TRIM2: variants seen among roughly 807,000 people sequenced by gnomAD.
TRIM2 encodes tripartite motif containing 2, also known as tripartite motif-containing protein 2.
TRIM2 carries 20 observed loss-of-function variants against 75.2 expected under a neutral mutation model. That is an observed-to-expected ratio of 0.27 (90% CI 0.19 to 0.39). The LOEUF is 0.39. Among genes scored for constraint, TRIM2 ranks in the 10% least tolerant of loss-of-function variants. The pLI, the probability that TRIM2 is intolerant of heterozygous loss-of-function variation, is 1.00. For missense variants in TRIM2, 660 were observed against 990.8 expected, an observed-to-expected ratio of 0.67 and a Z score of 4.48; for synonymous variants, 373 against 388.3, an observed-to-expected ratio of 0.96 and a Z score of 0.46.
chr4:153,273,442 ATTTTTTTTT>A (rs11459214), intron 2 of TRIM2, among the ~76,000 whole-genome samples: 5 of 77,648 alleles, frequency 6.4e-5, no homozygotes, highest in South Asian at 3.8e-4. Context: ...CGCCCGGCTA[ATTTTTTTTT>A]TTTTTTTTTT....
At chr4:153,330,252 A>T (rs1474356043) in intron 11 of TRIM2, among the ~76,000 whole-genome samples, 1 of 152,242 alleles carries the variant, frequency 6.6e-6, no homozygotes, top group Non-Finnish European at 1.5e-5. Flanking sequence ...ATTTAGTAAC[A>T]ATTGTATACA....
chr4:153,251,260 G>C (rs1251906908), intron 1 of TRIM2, among the ~76,000 whole-genome samples: 1 of 152,208 alleles, frequency 6.6e-6, no homozygotes, highest in Admixed American at 6.5e-5. Flanking sequence ...CCAGTAGAGA[G>C]GAAGGGGCTC....
chr4:153,296,418 A>G (rs1402951944), intron 6 of TRIM2, among the ~76,000 whole-genome samples: 3 of 152,096 alleles, frequency 2.0e-5, no homozygotes, highest in Admixed American at 1.3e-4. Flanking sequence ...AACCCCCACC[A>G]CCAACGCCCC....
At chr4:153,214,129 G>A (rs1220295528) in intron 1 of TRIM2, among the ~76,000 whole-genome samples, 1 of 152,196 alleles carries the variant, frequency 6.6e-6, no homozygotes, top group East Asian at 1.9e-4. Context: ...AATTACTAGA[G>A]CATAAGATAT....
At chr4:153,319,312 C>T (rs1768391941) in intron 8 of TRIM2, among the ~76,000 whole-genome samples, 1 of 152,172 alleles carries the variant, frequency 6.6e-6, no homozygotes, top group African/African-American at 2.4e-5. Context: ...CTTTTCTATC[C>T]AAACAAATGG....
chr4:153,303,548 A>G (rs1764381259), intron 6 of TRIM2, among the ~76,000 whole-genome samples: 1 of 152,172 alleles, frequency 6.6e-6, no homozygotes, highest in Non-Finnish European at 1.5e-5. Context: ...TGATAACAGA[A>G]CATTTATGAA....
chr4:153,313,590 C>T (rs1010951160), intron 6 of TRIM2, among the ~76,000 whole-genome samples: 1 of 151,276 alleles, frequency 6.6e-6, no homozygotes, highest in African/African-American at 2.4e-5. Flanking sequence ...TTTCCTAAGG[C>T]ACTGCATTGA....
intron 3 of TRIM2, among the ~76,000 whole-genome samples, chr4:153,289,856 G>A (rs1761474025): frequency 1.3e-5 from 2 of 152,108 alleles, no homozygotes; most frequent in South Asian, 2.1e-4. Context: ...TGTTAATGTG[G>A]CATATTCCCT....
rs1480662668 is a variant in TRIM2, at chr4:153,337,375, G to A, written c.*2409G>A. 1.0e-6 allele frequency: 1 copy of A among 985,646 alleles called. No homozygotes were observed. Among genetic ancestry groups the A allele is most frequent in the East Asian group, 1.1e-4 (1 of 8,832 alleles). The allele number at this position is 985,646 out of a possible 1,614,324, so 61.1% of individuals were successfully genotyped here. A position where few individuals can be genotyped will look rare whatever the true frequency, so the allele number is the denominator to read the frequency against. On this transcript the variant is annotated 3_prime_UTR_variant, in exon 12 of 12. Coordinates refer to ENST00000338700, the MANE Select transcript of TRIM2 (RefSeq NM_015271.5). The stretch of plus-strand genomic sequence containing the variant: ...TATCAGGCTAGATATCTCAATAGTA[G>A]ACTGAATACAAAGCTAATTTTTTTT...
intron 1 of TRIM2, among the ~76,000 whole-genome samples, chr4:153,169,594 G>A (rs1010181236): frequency 2.0e-5 from 3 of 152,034 alleles, no homozygotes; most frequent in Admixed American, 6.6e-5. Context: ...AACTGTATGT[G>A]TGTGTATATT....
intron 1 of TRIM2, among the ~76,000 whole-genome samples, chr4:153,242,833 G>A (rs1175076166): frequency 6.6e-6 from 1 of 152,206 alleles, no homozygotes; most frequent in Admixed American, 6.5e-5. Context: ...TGTAAGGCAT[G>A]GTGGGGGCTG....
chr4:153,221,808 A>G (rs1045657998), intron 1 of TRIM2, among the ~76,000 whole-genome samples: 56 of 100,104 alleles, frequency 5.6e-4, no homozygotes, highest in East Asian at 1.5e-3. Context: ...GCGAGGAAGG[A>G]AGGGAGGGAG....
chr4:153,311,004 A>T (rs1477364082), intron 6 of TRIM2, among the ~76,000 whole-genome samples: 2 of 152,188 alleles, frequency 1.3e-5, no homozygotes, highest in African/African-American at 4.8e-5. Flanking sequence ...CTTTTGCAAC[A>T]CAGTCCATTG....
intron 1 of TRIM2, among the ~76,000 whole-genome samples, chr4:153,264,017 C>T (rs1448863345): frequency 2.0e-5 from 3 of 152,198 alleles, no homozygotes; most frequent in Non-Finnish European, 2.9e-5. Context: ...GAGTCTATAA[C>T]AGGAGGTGAC....
chr4:153,207,290 C>T (rs1298371139), intron 1 of TRIM2, among the ~76,000 whole-genome samples: 1 of 152,094 alleles, frequency 6.6e-6, no homozygotes, highest in Non-Finnish European at 1.5e-5. Flanking sequence ...GGTGCGGTGG[C>T]CGATGGGGGA....
In TRIM2 at chr4:153,336,440, T is replaced by G. The variant is rs1772463520; in HGVS notation, c.*1474T>G. On this transcript the variant is annotated 3_prime_UTR_variant, in exon 12 of 12. Transcript: ENST00000338700. ...ACTTGAGTTACATTTAATTTAAATA[T>G]AAATGCATTTTGAGAAATGTTAAGA... The G allele has an allele frequency of 1.0e-6, 1 of 985,058 alleles. No homozygotes were observed. The highest frequency in any genetic ancestry group is 1.7e-5 in the African/African-American group (1 of 57,144). 61.0% of individuals were successfully genotyped at this position (985,058 alleles called of 1,614,324 possible).
At chr4:153,239,837 T>C (rs921594334) in intron 1 of TRIM2, among the ~76,000 whole-genome samples, 47 of 148,836 alleles carry the variant, frequency 3.2e-4, no homozygotes, top group Non-Finnish European at 1.5e-5. Flanking sequence ...TCTTTCTCTT[T>C]TTTTTTTTTT....
intron 1 of TRIM2, among the ~76,000 whole-genome samples, chr4:153,242,922 G>A (rs997279276): frequency 6.6e-6 from 1 of 152,242 alleles, no homozygotes; most frequent in Non-Finnish European, 1.5e-5. Context: ...CTGAGCACCA[G>A]GTGTCCTGAA....
intron 1 of TRIM2, among the ~76,000 whole-genome samples, chr4:153,215,117 A>C (rs115135389): frequency 1.3e-4 from 20 of 152,306 alleles, no homozygotes; most frequent in Non-Finnish European, 2.6e-4. Context: ...ACTCGAACAT[A>C]CACTTCAGTG....
Sources: allele counts gnomAD v4.1 joint callset (sites outside exome capture counted in the v4.1 genomes callset), GRCh38; gene constraint gnomAD v4.1.1; transcripts MANE v1.5; gene names NCBI Gene and HGNC (gene_info 2026-07-23, HGNC 2026-07-21).